The following DDC variants were observed in gnomAD, a reference collection of about 807,000 sequenced individuals.
DDC encodes the protein dopa decarboxylase.
DDC carries 43 observed loss-of-function variants against 60.0 expected under a neutral mutation model. The observed-to-expected ratio is 0.72, with a 90% CI of 0.56 to 0.92. The LOEUF (loss-of-function observed/expected upper bound fraction) is 0.92. DDC is among the 40% of genes least tolerant of loss of function. The pLI, the probability that DDC is intolerant of heterozygous loss-of-function variation, is 0.00. For missense variants in DDC, 573 were observed against 620.2 expected (o/e 0.92, Z 0.81); for synonymous variants, 232 against 234.6 (o/e 0.99, Z 0.10).
intron 10 of DDC, 36 bp downstream of exon 10, chr7:50,479,751 C>T (rs764055985): frequency 1.9e-6 from 3 of 1,592,500 alleles, no homozygotes; most frequent in Non-Finnish European, 2.6e-6. Flanking sequence ...GGAACAAGAC[C>T]AGAAACAGTC....
chr7:50,470,257 T>G, intron 11 of DDC, 86 bp from the exon 12 acceptor site: 1 of 1,025,872 alleles, frequency 9.7e-7, no homozygotes, highest in Non-Finnish European at 1.5e-6. Context: ...CCTATTTCTC[T>G]TGGAGGCAGC....
intron 9 of DDC, chr7:50,480,089 A>C: frequency 1.8e-6 from 1 of 565,052 alleles, no homozygotes; most frequent in South Asian, 2.0e-5. Flanking sequence ...CAGCTCCTAA[A>C]ACCCTTGAGA....
chr7:50,525,013 A>G (rs2153544845), intron 6 of DDC, among the ~76,000 whole-genome samples: 1 of 152,374 alleles, frequency 6.6e-6, no homozygotes, highest in Non-Finnish European at 1.5e-5. Flanking sequence ...GAAAAGGAAC[A>G]TACTATTGAT....
rs764146808 is a variant in DDC, at chr7:50,492,918, C to G, written c.944+2432G>C. Reference sequence around the variant, plus strand: ...GGCATCAGCTCTGCGGCAGGCACTCCACGTCCCGAAAGGCTCAACTCCTTC... The same window carrying G: ...GGCATCAGCTCTGCGGCAGGCACTCGACGTCCCGAAAGGCTCAACTCCTTC... On this transcript the variant is annotated intron_variant, in intron 9 of 14. Coordinates refer to ENST00000444124, the MANE Select transcript of DDC (RefSeq NM_001082971.2). 4.4e-6 allele frequency: 7 copies of G among 1,597,010 alleles called. No homozygotes were observed. In the South Asian group the frequency reaches 7.7e-5, roughly 18 times the overall value.
chr7:50,486,523 G>T (rs986647355), intron 9 of DDC, among the ~76,000 whole-genome samples: 21 of 152,122 alleles, frequency 1.4e-4, no homozygotes, highest in African/African-American at 4.1e-4. Flanking sequence ...AAGCTGACCT[G>T]GTTTAAATCC....
At chr7:50,560,394 A>C (rs1220025588) in intron 1 of DDC, among the ~76,000 whole-genome samples, 1 of 152,088 alleles carries the variant, frequency 6.6e-6, no homozygotes, top group Non-Finnish European at 1.5e-5. Flanking sequence ...ATTTTCAGTG[A>C]CCTCACACTT....
At chr7:50,530,203 C>T (rs1055071300) in intron 4 of DDC, among the ~76,000 whole-genome samples, 1 of 152,058 alleles carries the variant, frequency 6.6e-6, no homozygotes, top group Non-Finnish European at 1.5e-5. Context: ...TGCAGTGAGC[C>T]GCAATTACAA....
chr7:50,561,082 G>C (rs1371853315), intron 1 of DDC: 1 of 152,220 alleles, frequency 6.6e-6, no homozygotes, highest in African/African-American at 2.4e-5. Flanking sequence ...AAGAGGCACA[G>C]AAGATGTGAT....
intron 13 of DDC, among the ~76,000 whole-genome samples, chr7:50,466,780 A>G (rs1178273909): frequency 6.6e-6 from 1 of 152,240 alleles, no homozygotes; most frequent in Non-Finnish European, 1.5e-5. Flanking sequence ...GTGCGCAGCC[A>G]GCAGCTCTAG....
intron 1 of DDC, among the ~76,000 whole-genome samples, chr7:50,556,540 A>G (rs1015189054): frequency 5.3e-5 from 8 of 152,178 alleles, no homozygotes; most frequent in Admixed American, 3.3e-4. Flanking sequence ...TGCAATCTGT[A>G]CCATGGCCAT....
chr7:50,484,869 T>C (rs1307672015), intron 9 of DDC, among the ~76,000 whole-genome samples: 4 of 152,200 alleles, frequency 2.6e-5, no homozygotes, highest in Admixed American at 2.0e-4. Context: ...GCTCACTGAA[T>C]GAGCACTCAC....
intron 4 of DDC, among the ~76,000 whole-genome samples, chr7:50,536,436 G>A (rs2044414925): frequency 6.6e-6 from 1 of 152,274 alleles, no homozygotes; most frequent in African/African-American, 2.4e-5. Context: ...AATAAACTAA[G>A]TTGACTGAGA....
chr7:50,504,590 A>G (rs2043341909), intron 6 of DDC, among the ~76,000 whole-genome samples: 1 of 151,356 alleles, frequency 6.6e-6, no homozygotes, highest in South Asian at 2.1e-4. Flanking sequence ...TATATATTTT[A>G]TTTTCTATAT....
At chr7:50,469,359 A>G (rs989565311) in intron 12 of DDC, among the ~76,000 whole-genome samples, 4 of 151,976 alleles carry the variant, frequency 2.6e-5, no homozygotes, top group African/African-American at 9.7e-5. Flanking sequence ...TTGTTAAAAC[A>G]GAGGTTGCTG....
intron 6 of DDC, among the ~76,000 whole-genome samples, chr7:50,512,951 C>A (rs2043620650): frequency 6.6e-6 from 1 of 152,140 alleles, no homozygotes; most frequent in Non-Finnish European, 1.5e-5. Context: ...ACATTTATAC[C>A]TAAGGCCAAT....
chr7:50,476,572 GC>G (rs1481599023), intron 11 of DDC, 51 bp downstream of exon 11: 12 of 78,440 alleles, frequency 1.5e-4, no homozygotes, highest in African/African-American at 9.1e-4. Context: ...CTGTGGCGTA[GC>G]CCCCCAGCAC....
intron 2 of DDC, among the ~76,000 whole-genome samples, chr7:50,543,633 G>A (rs1490078737): frequency 1.3e-5 from 2 of 152,212 alleles, no homozygotes; most frequent in Non-Finnish European, 2.9e-5. Flanking sequence ...GGACCTGGGG[G>A]AAAGAGCCTC....
intron 4 of DDC, among the ~76,000 whole-genome samples, chr7:50,533,799 G>A (rs2044297110): frequency 6.6e-6 from 1 of 152,212 alleles, no homozygotes; most frequent in African/African-American, 2.4e-5. Context: ...ACAGAGCTGA[G>A]TCTTGAATCA....
In DDC at chr7:50,460,631, T is replaced by G. The variant is rs570219396; in HGVS notation, c.*19-1788A>C. On this transcript the variant is annotated intron_variant, in intron 14 of 14. Coordinates refer to ENST00000444124, the MANE Select transcript of DDC (RefSeq NM_001082971.2). The stretch of plus-strand genomic sequence containing the variant: ...AAGGGGGGAAAGGCGGGGAAAGGAT[T>G]GAGAAATCGGATGGTTGCCATGTCT... 2.0e-4 allele frequency among the ~76,000 whole-genome samples: 30 copies of G among 151,684 alleles called. No homozygotes were observed. The East Asian group carries it at 5.8e-3, about 29-fold the overall frequency.
Sources: gnomAD v4.1 joint callset for allele counts (sites outside exome capture counted in the v4.1 genomes callset) on GRCh38, gnomAD v4.1.1 for gene constraint, MANE v1.5 for transcripts, NCBI Gene and HGNC (gene_info 2026-07-23, HGNC 2026-07-21) for gene names.